The following TEX35 variants were observed in gnomAD, a reference collection of about 807,000 sequenced individuals.
TEX35 encodes testis-expressed protein 35.
A neutral mutation model predicts 31.9 loss-of-function variants in TEX35; 26 were observed. The ratio of observed to expected loss-of-function variants is 0.81; its 90% CI spans 0.60 to 1.13. The LOEUF is 1.13. Among genes scored for constraint, TEX35 ranks in the 50% most tolerant of loss-of-function variants. TEX35 has a pLI of 0.00. For synonymous variants in TEX35, 87 were observed against 90.7 expected (o/e 0.96, Z 0.23); for missense variants, 278 against 273.5 (o/e 1.02, Z -0.12).
Position 178,522,444 on chromosome 1 carries a change from T to A in TEX35, c.*4T>A, listed in dbSNP as rs189754134. ...GTCCCAGACTGAGGGAAGGTGAAGC[T>A]TAACTGCCAGCTTGAAATGAGAGTA... On this transcript the variant is annotated 3_prime_UTR_variant, in exon 9 of 9. Transcript: ENST00000319416. 1.5e-5 allele frequency: 24 copies of A among 1,588,132 alleles called. No individual in the cohort carries two copies. In the East Asian group the frequency reaches 5.4e-4, roughly 36 times the overall value.
chr1:178,520,960 C>A (rs756696909), intron 7 of TEX35, 86 bp downstream of exon 7: 60 of 1,579,778 alleles, frequency 3.8e-5, no homozygotes, highest in Middle Eastern at 2.2e-4. Context: ...TGTGCTGTAT[C>A]ATAGTGAAGG....
At chr1:178,516,542 C>G in intron 4 of TEX35, 73 bp from the exon 5 acceptor site, 1 of 1,357,834 alleles carries the variant, frequency 7.4e-7, no homozygotes, top group Non-Finnish European at 1.0e-6. Context: ...GCTTAAAATG[C>G]CTGAAAGATG....
intron 1 of TEX35, among the ~76,000 whole-genome samples, chr1:178,513,765 G>A (rs944054545): frequency 2.0e-5 from 3 of 152,224 alleles, no homozygotes; most frequent in Non-Finnish European, 2.9e-5. Context: ...CTTTCTCCAC[G>A]CTGGCGCCTC....
chr1:178,513,388 G>A, intron 1 of TEX35, 161 bp downstream of exon 1: 1 of 958,322 alleles, frequency 1.0e-6, no homozygotes, highest in East Asian at 2.6e-5. Flanking sequence ...AGGGGTGTGG[G>A]ATTAATCCCT....
At chr1:178,521,588 C>G (rs1473081550) in intron 8 of TEX35, 2 of 1,542,174 alleles carry the variant, frequency 1.3e-6, no homozygotes. Flanking sequence ...TCTGGGCACC[C>G]TTTTCACCCT....
intron 2 of TEX35, 194 bp downstream of exon 2, chr1:178,514,271 C>A: frequency 6.7e-7 from 1 of 1,498,474 alleles, no homozygotes; most frequent in South Asian, 1.3e-5. Flanking sequence ...AGGACTCATT[C>A]AGCAGTGTTA....
rs1031527811 is a variant in TEX35 at position 178,516,774 on chromosome 1, G to A, written c.276+100G>A. 5.7e-6 allele frequency: 4 copies of A among 707,724 alleles called. No homozygotes were observed. In the African/African-American group the frequency reaches 7.4e-5, roughly 13 times the overall value. 43.8% of individuals were successfully genotyped at this position (707,724 alleles called of 1,614,324 possible). A position where few individuals can be genotyped will look rare whatever the true frequency, so the allele number is the denominator to read the frequency against. On this transcript the variant is annotated intron_variant, in intron 5 of 8. Transcript: ENST00000319416. ...CCCTCCAGGAGCTTATTATCTACTA[G>A]TAGTCCCATATTCCATTGCAAGAAA...
chr1:178,521,254 C>T lies in TEX35; in HGVS notation c.576C>T (p.Asn192=). Reference sequence around the variant, plus strand: ...GTTTGTTGTGTGCTCTAAAGAACAACTACAATCGGGGTAGGTAGATTCATA... The same window carrying T: ...GTTTGTTGTGTGCTCTAAAGAACAATTACAATCGGGGTAGGTAGATTCATA... ...EKCLLCALKN[N]YNRGNIPSEA... Residue 192 remains asparagine, a synonymous_variant, in exon 8 of 9, where the codon AAC becomes AAT. Coordinates refer to ENST00000319416, the MANE Select transcript of TEX35 (RefSeq NM_032126.5). The T allele has an allele frequency of 6.2e-7, 1 of 1,614,232 alleles. No homozygotes were observed. Among genetic ancestry groups the T allele is most frequent in the Non-Finnish European group, 8.5e-7 (1 of 1,180,040 alleles).
chr1:178,522,745 G>T, downstream of TEX35: 1 of 870,932 alleles, frequency 1.1e-6, no homozygotes, highest in Non-Finnish European at 1.4e-6. Flanking sequence ...ACAAAGTTAT[G>T]CAAGGTGAAA....
chr1:178,522,377 G>A lies in TEX35; in HGVS notation c.639G>A (p.Val213=). The A allele has an allele frequency of 6.2e-7, 1 of 1,607,276 alleles. No individual in the cohort carries two copies. Among genetic ancestry groups the A allele is most frequent in the Non-Finnish European group, 8.5e-7 (1 of 1,176,646 alleles). The change falls in exon 9 of 9, where the codon GTG becomes GTA. Residue 213 remains valine, a synonymous_variant. Coordinates refer to ENST00000319416, the MANE Select transcript of TEX35 (RefSeq NM_032126.5). ...TTTACAAAGGTGGAGAGGAGCCAGT[G>A]ACCACCCAACCTTCTGTGGGCCACG... is the stretch of plus-strand genomic sequence containing the variant. ...SGLYKGGEEP[V]TTQPSVGHAV...
chr1:178,521,153 T>G, intron 7 of TEX35, 69 bp from the exon 8 acceptor site: 1 of 1,608,542 alleles, frequency 6.2e-7, no homozygotes, highest in Non-Finnish European at 8.5e-7. Flanking sequence ...GCAGATAAGG[T>G]GCCTAGCAGG....
At position 178,516,669 on chromosome 1, in the gene TEX35, A is replaced by G; in HGVS notation, c.271A>G (p.Met91Val). 3.1e-6 allele frequency: 5 copies of G among 1,610,348 alleles called. No individual in the cohort carries two copies. Among genetic ancestry groups the G allele is most frequent in the Non-Finnish European group, 4.2e-6 (5 of 1,178,134 alleles). ...TAAACTTCACGAATTTGTGGAAATT[A>G]TGAAGGTAAGCATTACTTGAGTGCC... Reference protein sequence around the residue: ...FDKLHEFVEIMKEMQKDMDEK... With the variant: ...FDKLHEFVEIVKEMQKDMDEK... The change falls in exon 5 of 9, where the codon ATG becomes GTG. Residue 91 changes from methionine to valine, a missense_variant. Physicochemically the swap from Met to Val is conservative, Grantham distance 21. Coordinates refer to ENST00000319416, the MANE Select transcript of TEX35 (RefSeq NM_032126.5).
At chr1:178,514,598 C>G in intron 2 of TEX35, 102 bp from the exon 3 acceptor site, 1 of 1,165,094 alleles carries the variant, frequency 8.6e-7, no homozygotes, top group Admixed American at 2.0e-5. Flanking sequence ...CTTGCCTTAG[C>G]CCTAAGGGAG....
intron 4 of TEX35, 134 bp from the exon 5 acceptor site, chr1:178,516,481 G>C: frequency 1.5e-6 from 1 of 685,850 alleles, no homozygotes; most frequent in South Asian, 1.9e-5. Flanking sequence ...GAAGAAAGTG[G>C]CTCTAACAGG....
At position 178,522,358 on chromosome 1, in the gene TEX35, AAGGTGGAG is replaced by A. The variant is rs1650318045; in HGVS notation, c.624_631del (p.Gly209AlafsTer20). 3.1e-6 allele frequency: 5 copies of A among 1,605,616 alleles called. No homozygotes were observed. Among genetic ancestry groups the A allele is most frequent in the Non-Finnish European group, 4.3e-6 (5 of 1,175,736 alleles). Reference sequence around the variant, plus strand: ...CCTTCAGAGGCCTCAGGCCTTTACAAAGGTGGAGAGGAGCCAGTGACCACCCAACCTTC... The same window carrying A: ...CCTTCAGAGGCCTCAGGCCTTTACAAAGGAGCCAGTGACCACCCAACCTTC... On this transcript the variant is annotated frameshift_variant, in exon 9 of 9. Coordinates refer to ENST00000319416, the MANE Select transcript of TEX35 (RefSeq NM_032126.5). LOFTEE classifies it low-confidence loss of function (END_TRUNC).
chr1:178,514,145 A>G (rs748360784), intron 2 of TEX35, 68 bp downstream of exon 2: 15 of 1,612,826 alleles, frequency 9.3e-6, no homozygotes, highest in Non-Finnish European at 1.3e-5. Flanking sequence ...ACCAGGAGTC[A>G]GGGGTCATTT....
Position 178,521,991 on chromosome 1 carries a change from C to G in TEX35, c.587-334C>G, listed in dbSNP as rs762018614. The G allele has an allele frequency of 6.3e-6, 5 of 798,186 alleles. No individual in the cohort carries two copies. The African/African-American group carries it at 8.7e-5, about 14-fold the overall frequency. The allele number at this position is 798,186 out of a possible 1,614,324, so 49.4% of individuals were successfully genotyped here. On this transcript the variant is annotated intron_variant, in intron 8 of 8. Coordinates refer to ENST00000319416, the MANE Select transcript of TEX35 (RefSeq NM_032126.5). ...CCAACCACCACCTCCCTCCATTCCA[C>G]CTGGGTCTGCAAACGTCCCAGGTCA...
At chr1:178,523,368 C>T (rs1448575202), downstream of TEX35, 1 of 669,798 alleles carries the variant, frequency 1.5e-6, no homozygotes, top group South Asian at 1.7e-5. Context: ...GAGGAACAAC[C>T]TCCAAACTGT....
In TEX35 at chr1:178,513,882, C is replaced by T. The variant is rs544233248; in HGVS notation, c.40-145C>T. 3 of 846,930 alleles carry T rather than the reference C, an allele frequency of 3.5e-6. No homozygotes were observed. The South Asian group carries it at 5.2e-5, about 15-fold the overall frequency. The allele number at this position is 846,930 out of a possible 1,614,324, so 52.5% of individuals were successfully genotyped here. On this transcript the variant is annotated intron_variant, in intron 1 of 8. Coordinates refer to ENST00000319416, the MANE Select transcript of TEX35 (RefSeq NM_032126.5). The stretch of plus-strand genomic sequence containing the variant: ...GAATCGGATCCGGGTGCTGCGGGGT[C>T]TGTGAGCCTGAGCTCAAGCCAGTTG...
Sources: allele counts gnomAD v4.1 joint callset (sites outside exome capture counted in the v4.1 genomes callset), GRCh38; gene constraint gnomAD v4.1.1; transcripts MANE v1.5; gene names NCBI Gene and HGNC (gene_info 2026-07-23, HGNC 2026-07-21).